DRC4: variants seen among roughly 807,000 people sequenced by gnomAD.
DRC4 encodes GAS-11.
chr16:90,043,673 G>C, the DRC4 span: 1 of 537,600 alleles, frequency 1.9e-6, no homozygotes, highest in Non-Finnish European at 3.7e-6. Flanking sequence ...GTGCCGCGCT[G>C]TGCTGCCTGT....
the DRC4 span, chr16:90,033,047 T>G: frequency 9.8e-7 from 1 of 1,015,998 alleles, no homozygotes; most frequent in African/African-American, 1.6e-5. Flanking sequence ...ACTTTCTGCA[T>G]TTTTGCAATT....
the DRC4 span, chr16:90,022,714 C>T: frequency 4.9e-6 from 7 of 1,420,710 alleles, no homozygotes; most frequent in African/African-American, 8.8e-5. Flanking sequence ...GGCCTGTCCG[C>T]TGGCGTCATG....
the DRC4 span, chr16:90,032,698 G>T: frequency 6.2e-7 from 1 of 1,611,562 alleles, no homozygotes. Context: ...TGAGCAGATG[G>T]TACTCCCATT....
the DRC4 span, chr16:90,031,036 T>A: frequency 1.5e-6 from 1 of 652,230 alleles, no homozygotes; most frequent in Non-Finnish European, 2.4e-6. Context: ...AGAAATTTTT[T>A]AGGCATCAAT....
chr16:90,031,390 C>T, the DRC4 span: 1 of 1,613,912 alleles, frequency 6.2e-7, no homozygotes, highest in Non-Finnish European at 8.5e-7. Flanking sequence ...AAGATCCACA[C>T]CTTCTGGGAG....
the DRC4 span, among the ~76,000 whole-genome samples, chr16:90,039,082 C>G: frequency 6.6e-6 from 1 of 152,262 alleles, no homozygotes; most frequent in Non-Finnish European, 1.5e-5. Flanking sequence ...CATTGCTAGG[C>G]TGTGCCAACT....
At chr16:90,042,496 C>G in the DRC4 span, 3 of 1,613,798 alleles carry the variant, frequency 1.9e-6, no homozygotes, top group African/African-American at 4.0e-5. Flanking sequence ...AGAACAGCAC[C>G]ATCAAGGACC....
chr16:90,024,353 T>C, the DRC4 span, among the ~76,000 whole-genome samples: 47 of 152,316 alleles, frequency 3.1e-4, no homozygotes, highest in Non-Finnish European at 4.3e-4. Flanking sequence ...TCCAAAGGAC[T>C]GAGCCCTGAA....
the DRC4 span, among the ~76,000 whole-genome samples, chr16:90,023,690 AAACT>A: frequency 6.9e-6 from 1 of 145,724 alleles, no homozygotes; most frequent in African/African-American, 2.4e-5. Flanking sequence ...ACTATGAAAG[AAACT>A]ACCAAACTAG....
the DRC4 span, chr16:90,027,695 C>G: frequency 6.2e-7 from 1 of 1,614,178 alleles, no homozygotes; most frequent in South Asian, 1.1e-5. Context: ...TCGATGGGCT[C>G]GCTCCAGAGG....
At chr16:90,044,669 AC>A in the DRC4 span, 3 of 463,862 alleles carry the variant, frequency 6.5e-6, no homozygotes, top group Non-Finnish European at 1.3e-5. Flanking sequence ...GAAGCCCCCC[AC>A]CCCAGCTTTC....
the DRC4 span, chr16:90,042,867 A>AG: frequency 1.2e-4 from 61 of 500,652 alleles, no homozygotes; most frequent in Admixed American, 2.0e-4. Context: ...CAACAGGGGA[A>AG]GGGAGGGCGT....
chr16:90,022,426 G>A, the DRC4 span, among the ~76,000 whole-genome samples: 1 of 152,254 alleles, frequency 6.6e-6, no homozygotes, highest in Admixed American at 6.5e-5. Context: ...CTGAAGGATA[G>A]AAGTGAAGGG....
At chr16:90,034,892 C>CTTTTTTTTT in the DRC4 span, among the ~76,000 whole-genome samples, 1 of 53,844 alleles carries the variant, frequency 1.9e-5, no homozygotes, top group Non-Finnish European at 3.2e-5. Flanking sequence ...CCCACCTAAT[C>CTTTTTTTTT]TTTTTTTTTT....
At chr16:90,032,854 T>G in the DRC4 span, 3 of 1,613,820 alleles carry the variant, frequency 1.9e-6, no homozygotes, top group Non-Finnish European at 2.5e-6. Context: ...CGCAAGGACA[T>G]GCGGGCACTG....
the DRC4 span, chr16:90,029,334 C>G: frequency 7.4e-7 from 1 of 1,359,132 alleles, no homozygotes; most frequent in Non-Finnish European, 9.8e-7. Flanking sequence ...CAGCAGAGGA[C>G]AGTTTCATCT....
the DRC4 span, chr16:90,035,684 C>T: frequency 5.6e-6 from 9 of 1,614,042 alleles, no homozygotes; most frequent in African/African-American, 5.3e-5. Context: ...GAGGCAAGTT[C>T]GAGGTCAGTT....
chr16:90,035,811 A>G, the DRC4 span: 1 of 1,595,578 alleles, frequency 6.3e-7, no homozygotes, highest in East Asian at 2.3e-5. Flanking sequence ...CAAGGCATGC[A>G]AGAGAAAGAA....
At chr16:90,032,046 A>G in the DRC4 span, among the ~76,000 whole-genome samples, 6 of 151,916 alleles carry the variant, frequency 3.9e-5, no homozygotes, top group Non-Finnish European at 8.8e-5. Context: ...GGTGTAGTAC[A>G]GGTGTAGTGC....
Sources: allele counts gnomAD v4.1 joint callset (sites outside exome capture counted in the v4.1 genomes callset), GRCh38; gene constraint gnomAD v4.1.1; transcripts MANE v1.5; gene names NCBI Gene and HGNC (gene_info 2026-07-23, HGNC 2026-07-21).